HEATR1: variants seen among roughly 807,000 people sequenced by gnomAD.
The protein encoded by HEATR1 is HEAT repeat-containing protein 1.
In HEATR1, 77 loss-of-function variants were observed where a neutral mutation model predicts 248.2. The observed-to-expected ratio is 0.31, with a 90% confidence interval of 0.26 to 0.37. The LOEUF is 0.37. HEATR1 is among the 10% of genes least tolerant of loss of function. The pLI is 1.00. For missense variants in HEATR1, 2,420 were observed against 2,504.9 expected, an observed-to-expected ratio of 0.97 and a Z score of 0.72; for synonymous variants, 897 against 923.1, an observed-to-expected ratio of 0.97 and a Z score of 0.51.
At chr1:236,600,686 A>T (rs1558194135) in intron 3 of HEATR1, among the ~76,000 whole-genome samples, 1 of 152,060 alleles carries the variant, frequency 6.6e-6, no homozygotes. Flanking sequence ...GCACAGCACC[A>T]CACCCAGCTA....
chr1:236,555,998 T>C lies in HEATR1; in HGVS notation c.5515-59A>G, dbSNP rs564375865. ...TCAAATGATTCCTAGAGTTCAGCGG[T>C]GTGTATTTTTAAAAACTAAATCTTC... is the stretch of plus-strand genomic sequence containing the variant. On this transcript the variant is annotated intron_variant, in intron 38 of 44. Transcript: ENST00000366582. The C allele has an allele frequency of 1.5e-4, 241 of 1,606,026 alleles. No individual in the cohort carries two copies. The South Asian group carries it at 2.3e-3, about 15-fold the overall frequency.
Position 236,587,399 on chromosome 1 carries a change from T to C in HEATR1, c.1715+3A>G. The stretch of plus-strand genomic sequence containing the variant: ...AATAGTATGAGGAGAAATGAATACA[T>C]ACCATTCTCCATTCTTTGAAAGTTC... On this transcript the variant is annotated splice_donor_region_variant and intron_variant, in intron 14 of 44. Transcript: ENST00000366582. The C allele has an allele frequency of 3.5e-6, 5 of 1,439,100 alleles. No homozygotes were observed. The highest frequency in any genetic ancestry group is 1.3e-5 in the South Asian group (1 of 74,844). 89.1% of individuals were successfully genotyped at this position (1,439,100 alleles called of 1,614,324 possible). A position where few individuals can be genotyped will look rare whatever the true frequency, so the allele number is the denominator to read the frequency against.
rs763680391 is a variant in HEATR1 at position 236,566,688 on chromosome 1, C to T, written c.4266G>A (p.Gln1422=). 3.7e-6 allele frequency: 6 copies of T among 1,613,948 alleles called. No homozygotes were observed. The African/African-American group carries it at 4.0e-5, about 11-fold the overall frequency. Residue 1422 remains glutamine (Q), a synonymous_variant, in exon 30 of 45, where the codon CAG becomes CAA. Coordinates refer to ENST00000366582, the MANE Select transcript of HEATR1 (RefSeq NM_018072.6). ...CCGCCAGCACTGTTTTTGTGACATA[C>T]TGTTCAAAAAGCAAGATGAGGAGAA... ...LWILLILLFE[Q]YVTKTVLAAA... is the part of the protein sequence containing the mutation.
rs146689703 is a variant in HEATR1 at position 236,566,915 on chromosome 1, T to C, written c.4078-39A>G. The C allele has an allele frequency of 6.8e-5, 93 of 1,371,596 alleles. No homozygotes were observed. The East Asian group carries it at 1.9e-3, about 28-fold the overall frequency. The allele number at this position is 1,371,596 out of a possible 1,614,324, so 85.0% of individuals were successfully genotyped here. On this transcript the variant is annotated intron_variant, in intron 29 of 44. Transcript: ENST00000366582. ...AGCAGAGACAATGAGTAGGTGCAAG[T>C]AATCTTCCACAAAACAAGTTTAGGT...
At chr1:236,575,519 G>C (rs1167641310) in intron 22 of HEATR1, among the ~76,000 whole-genome samples, 3 of 152,184 alleles carry the variant, frequency 2.0e-5, no homozygotes, top group Admixed American at 6.5e-5. Flanking sequence ...CTTTACCCAA[G>C]AAATTTGTCA....
chr1:236,564,441 C>A, intron 32 of HEATR1, 57 bp downstream of exon 32: 3 of 1,490,228 alleles, frequency 2.0e-6, no homozygotes, highest in Non-Finnish European at 2.8e-6. Context: ...TGGTTGAGAA[C>A]AGTTCCTTGG....
intron 36 of HEATR1, among the ~76,000 whole-genome samples, 195 bp downstream of exon 36, chr1:236,558,042 G>A (rs1462946774): frequency 1.3e-5 from 2 of 152,120 alleles, no homozygotes; most frequent in African/African-American, 4.8e-5. Flanking sequence ...GGGCTCAAAC[G>A]ATCTCCCTGC....
At chr1:236,601,333 G>A (rs1021633019) in intron 3 of HEATR1, among the ~76,000 whole-genome samples, 3 of 150,804 alleles carry the variant, frequency 2.0e-5, no homozygotes, top group African/African-American at 7.3e-5. Context: ...TGCAAAATCT[G>A]TCTCCTGGAT....
At chr1:236,559,606 T>C in intron 34 of HEATR1, 108 bp downstream of exon 34, 1 of 1,298,338 alleles carries the variant, frequency 7.7e-7, no homozygotes, top group Non-Finnish European at 1.0e-6. Context: ...AGCTTCATTA[T>C]ATTCATAAAA....
Position 236,550,978 on chromosome 1 carries a change from T to A in HEATR1, c.6359A>T (p.Glu2120Val), listed in dbSNP as rs766419632. The change falls in exon 45 of 45, where the codon GAA becomes GTA. Residue 2120 changes from glutamate (E) to valine (V), a missense_variant. Physicochemically the swap from Glu to Val is moderately radical, Grantham distance 121. Transcript: ENST00000366582. The stretch of plus-strand genomic sequence containing the variant: ...AGTCTTTTGGCACTGATGTTCTACT[T>A]CTTCACATTCATCTAAAAAAAAAAA... The part of the protein sequence containing the change: ...LAELMEDECE[E>V]VEHQCQKTIQ... 2 of 1,582,436 alleles carry A rather than the reference T, an allele frequency of 1.3e-6. No homozygotes were observed. The highest frequency in any genetic ancestry group is 1.7e-6 in the Non-Finnish European group (2 of 1,168,732).
intron 35 of HEATR1, 56 bp downstream of exon 35, chr1:236,558,939 C>A: frequency 6.9e-7 from 1 of 1,452,702 alleles, no homozygotes. Flanking sequence ...GAGTTAAATG[C>A]AGCTCTTTGA....
intron 36 of HEATR1, 151 bp downstream of exon 36, chr1:236,558,086 G>C (rs1265874006): frequency 1.2e-6 from 1 of 855,948 alleles, no homozygotes; most frequent in Non-Finnish European, 1.8e-6. Flanking sequence ...TCACAGCCGT[G>C]AGCCACCACA....
chr1:236,582,762 T>C lies in HEATR1; in HGVS notation c.2536A>G (p.Arg846Gly). ...MLNGADAVHF[R>G]VLMKLFIKVH... ...TTTATGAAAAGTTTCATCAGAACTC[T>C]GAAATGAACAGCATCGGCACCATTG... The change falls in exon 19 of 45, where the codon AGA becomes GGA. Residue 846 changes from arginine to glycine, a missense_variant. Transcript: ENST00000366582. The C allele has an allele frequency of 6.2e-7, 1 of 1,614,186 alleles. No individual in the cohort carries two copies. Among genetic ancestry groups the C allele is most frequent in the South Asian group, 1.1e-5 (1 of 91,078 alleles).
Position 236,569,006 on chromosome 1 carries a change from G to A in HEATR1, c.4067C>T (p.Ala1356Val), listed in dbSNP as rs1208032940. ...INKTVKMVIP[A>V]LIQSDSGDSI... ...ATAAAGAGACCTTACCTGAATAAGT[G>A]CGGGAATAACCATTTTCACTGTCTT... The change falls in exon 29 of 45, where the codon GCA becomes GTA. Residue 1356 changes from alanine to valine, a missense_variant. Transcript: ENST00000366582. The A allele has an allele frequency of 2.5e-6, 4 of 1,598,894 alleles. No homozygotes were observed. Among genetic ancestry groups the A allele is most frequent in the African/African-American group, 1.3e-5 (1 of 74,126 alleles).
Position 236,582,809 on chromosome 1 carries a change from A to G in HEATR1, c.2489T>C (p.Ile830Thr), listed in dbSNP as rs759860055. Residue 830 changes from isoleucine (I) to threonine (T), a missense_variant, in exon 19 of 45, where the codon ATT (isoleucine) becomes ACT (threonine). By Grantham distance (89) the Ile-to-Thr change is moderately conservative (BLOSUM62 -1). Transcript: ENST00000366582. ...EDSRDYLHLL[I>T]GLFEMMLNGA... The stretch of plus-strand genomic sequence containing the variant: ...ATTGAGCATCATCTCAAACAGCCCA[A>G]TGAGCAAGTGCAGATAGTCCCTGCT... The G allele has an allele frequency of 3.1e-6, 5 of 1,614,040 alleles. No individual in the cohort carries two copies. Among genetic ancestry groups the G allele is most frequent in the Non-Finnish European group, 4.2e-6 (5 of 1,179,968 alleles).
chr1:236,554,549 C>G (rs74827320), intron 42 of HEATR1, 49 bp downstream of exon 42: 15 of 1,577,756 alleles, frequency 9.5e-6, no homozygotes, highest in Admixed American at 1.9e-5. Context: ...CTGCCAAGCT[C>G]GAACAGTGAT....
intron 2 of HEATR1, among the ~76,000 whole-genome samples, chr1:236,603,751 T>C (rs1664390270): frequency 6.6e-6 from 1 of 152,044 alleles, no homozygotes; most frequent in African/African-American, 2.4e-5. Context: ...ATCTGTGAAA[T>C]CCAGATACCT....
At chr1:236,557,075 A>T in intron 37 of HEATR1, 120 bp downstream of exon 37, 1 of 1,022,298 alleles carries the variant, frequency 9.8e-7, no homozygotes, top group Non-Finnish European at 1.4e-6. Context: ...CTCTTCAGAA[A>T]TAAGACTCCT....
chr1:236,572,161 CT>C (rs1663447469), intron 26 of HEATR1, among the ~76,000 whole-genome samples: 1 of 152,132 alleles, frequency 6.6e-6, no homozygotes, highest in South Asian at 2.1e-4. Flanking sequence ...CCCAGGCACG[CT>C]ACTGAAAAGT....
Sources: gnomAD v4.1 joint callset for allele counts (sites outside exome capture counted in the v4.1 genomes callset) on GRCh38, gnomAD v4.1.1 for gene constraint, MANE v1.5 for transcripts, NCBI Gene and HGNC (gene_info 2026-07-23, HGNC 2026-07-21) for gene names.